The following MED27 variants were observed in gnomAD, a reference collection of about 807,000 sequenced individuals.
The protein encoded by MED27 is mediator of RNA polymerase II transcription subunit 27.
Under a neutral mutation model 38.2 loss-of-function variants are expected in MED27, and 30 were observed. The observed-to-expected ratio is 0.79, with a 90% CI of 0.59 to 1.07. The LOEUF (loss-of-function observed/expected upper bound fraction) is 1.07, where lower values mean the gene tolerates loss of function less well. Among genes scored for constraint, MED27 ranks in the 50% least tolerant of loss-of-function variants. MED27 has a pLI of 0.00. For synonymous variants in MED27, 122 were observed against 153.5 expected (o/e 0.79, Z 1.52); for missense variants, 289 against 397.5 (o/e 0.73, Z 2.32).
At chr9:132,020,764 G>GT (rs1832699847) in intron 2 of MED27, among the ~76,000 whole-genome samples, 1 of 152,090 alleles carries the variant, frequency 6.6e-6, no homozygotes, top group South Asian at 2.1e-4. Flanking sequence ...AAATCTAATT[G>GT]TTTTGCTTGG....
At chr9:131,969,400 C>T (rs1210485484) in intron 3 of MED27, among the ~76,000 whole-genome samples, 1 of 152,174 alleles carries the variant, frequency 6.6e-6, no homozygotes, top group African/African-American at 2.4e-5. Flanking sequence ...TATTTCATTA[C>T]TATTTTAAAC....
intron 4 of MED27, among the ~76,000 whole-genome samples, chr9:131,923,189 T>C (rs1011012702): frequency 1.2e-4 from 19 of 152,206 alleles, no homozygotes; most frequent in African/African-American, 2.2e-4. Flanking sequence ...TCTACATCCA[T>C]ACATTAAAAA....
Position 131,860,645 on chromosome 9 carries a change from A to C in MED27, c.829T>G (p.Phe277Val). ...MTWLRSYIKL[F>V]QAPCQRCGKF... ...CCGCAGCGCTGGCACGGGGCCTGGA[A>C]CAGCTTTATGTAACTTCTTAACCAG... is the stretch of plus-strand genomic sequence containing the variant. The change falls in exon 8 of 8, where the codon TTC becomes GTC. Residue 277 changes from phenylalanine (F) to valine (V), a missense_variant. Physicochemically the swap from Phe to Val is conservative, Grantham distance 50. Transcript: ENST00000292035. This position sits in a 1 kb window ranked among gnomAD's most constrained non-coding sequence, Gnocchi z 5.8. The C allele has an allele frequency of 6.2e-7, 1 of 1,613,400 alleles. No individual in the cohort carries two copies. Among genetic ancestry groups the C allele is most frequent in the Non-Finnish European group, 8.5e-7 (1 of 1,179,748 alleles).
intron 3 of MED27, among the ~76,000 whole-genome samples, chr9:131,968,261 C>T (rs557418256): frequency 6.6e-6 from 1 of 152,136 alleles, no homozygotes; most frequent in South Asian, 2.1e-4. Flanking sequence ...ATTGCTTGAA[C>T]CCCGAGGTTC....
At chr9:132,062,544 G>C (rs929303569) in intron 2 of MED27, among the ~76,000 whole-genome samples, 13 of 152,184 alleles carry the variant, frequency 8.5e-5, no homozygotes, top group Non-Finnish European at 1.8e-4. Context: ...ATGGGAGCCA[G>C]ACCTGGACCA....
At chr9:131,893,733 TCACAAAG>T in intron 5 of MED27, 145 bp downstream of exon 5, 4 of 591,448 alleles carry the variant, frequency 6.8e-6, no homozygotes, top group Admixed American at 5.7e-5. Context: ...AAATGTTTTT[TCACAAAG>T]TGTGCATCCT....
At chr9:131,941,999 G>A (rs1830795865) in intron 3 of MED27, among the ~76,000 whole-genome samples, 2 of 151,794 alleles carry the variant, frequency 1.3e-5, no homozygotes, top group Non-Finnish European at 2.9e-5. Flanking sequence ...CTAACTTTTT[G>A]TATTTTTAGT....
chr9:132,071,968 G>A (rs1833949494), intron 2 of MED27, among the ~76,000 whole-genome samples: 1 of 151,732 alleles, frequency 6.6e-6, no homozygotes, highest in Admixed American at 6.6e-5. Flanking sequence ...CAATCCATGA[G>A]TACACAGGCA....
At position 131,860,852 on chromosome 9, in the gene MED27, C is replaced by T. The variant is rs1414456042; in HGVS notation, c.802-180G>A. ...AAGGTCACCTGACTGCTGATGTTCA[C>T]GTCTGATGCTCGCGTGCCCCTCCTA... is the stretch of plus-strand genomic sequence containing the variant. On this transcript the variant is annotated intron_variant, in intron 7 of 7. Coordinates refer to ENST00000292035, the MANE Select transcript of MED27 (RefSeq NM_004269.4). This position sits in a 1 kb window ranked among gnomAD's most constrained non-coding sequence, Gnocchi z 5.8. Among the ~76,000 whole-genome samples, 1 of 152,146 alleles carries T rather than the reference C, an allele frequency of 6.6e-6. No individual in the cohort carries two copies. The highest frequency in any genetic ancestry group is 1.9e-4 in the East Asian group (1 of 5,186).
chr9:132,053,530 C>T (rs1275003643), intron 2 of MED27, among the ~76,000 whole-genome samples: 1 of 152,154 alleles, frequency 6.6e-6, no homozygotes, highest in African/African-American at 2.4e-5. Flanking sequence ...ATAGACATTA[C>T]TGCATCCTCA....
intron 3 of MED27, among the ~76,000 whole-genome samples, chr9:131,979,391 T>C (rs1444412296): frequency 6.6e-6 from 1 of 152,000 alleles, no homozygotes; most frequent in Non-Finnish European, 1.5e-5. Context: ...TCTTCCTTTC[T>C]GTATTAGGAG....
chr9:131,860,771 G>C lies in MED27; in HGVS notation c.802-99C>G. ...CTAATGGCCCAGACAACTTAAGTTG[G>C]CTTTGGCCCCAGAAGATGCCCTGTG... On this transcript the variant is annotated intron_variant, in intron 7 of 7. Transcript: ENST00000292035. The surrounding 1 kb of genome is among the most constrained non-coding windows in gnomAD (Gnocchi z 5.8). 1.4e-6 allele frequency: 2 copies of C among 1,408,352 alleles called. No individual in the cohort carries two copies. Among genetic ancestry groups the C allele is most frequent in the South Asian group, 2.6e-5 (2 of 76,450 alleles). The allele number at this position is 1,408,352 out of a possible 1,614,324, so 87.2% of individuals were successfully genotyped here. A position where few individuals can be genotyped will look rare whatever the true frequency, so the allele number is the denominator to read the frequency against.
chr9:131,977,670 T>C (rs1232252982), intron 3 of MED27, among the ~76,000 whole-genome samples: 1 of 152,184 alleles, frequency 6.6e-6, no homozygotes, highest in East Asian at 1.9e-4. Flanking sequence ...TCTTGGTTCA[T>C]GTAAAGGGCT....
At chr9:132,044,096 G>A (rs761563740) in intron 2 of MED27, among the ~76,000 whole-genome samples, 1 of 151,994 alleles carries the variant, frequency 6.6e-6, no homozygotes, top group Non-Finnish European at 1.5e-5. Context: ...AAGGAAAAGA[G>A]AAAAAAAGTC....
At chr9:131,933,979 T>G (rs1359313404) in intron 4 of MED27, among the ~76,000 whole-genome samples, 1 of 152,178 alleles carries the variant, frequency 6.6e-6, no homozygotes, top group Non-Finnish European at 1.5e-5. Flanking sequence ...TCCATACGCC[T>G]ACAGTGAACT....
intron 2 of MED27, among the ~76,000 whole-genome samples, chr9:132,053,207 C>T (rs1399037835): frequency 2.0e-5 from 3 of 150,552 alleles, no homozygotes; most frequent in East Asian, 2.0e-4. Context: ...GAGCCGAGAT[C>T]GCGCCACTGC....
At chr9:131,901,750 G>T (rs1180965581) in intron 4 of MED27, among the ~76,000 whole-genome samples, 1 of 152,096 alleles carries the variant, frequency 6.6e-6, no homozygotes, top group Non-Finnish European at 1.5e-5. Flanking sequence ...TTTTCCTAGG[G>T]GGTCTTTCCT....
intron 6 of MED27, among the ~76,000 whole-genome samples, chr9:131,877,710 TG>T (rs942203128): frequency 6.6e-6 from 1 of 152,208 alleles, no homozygotes. Context: ...TTCCAATCCC[TG>T]GGGAATGATC....
chr9:132,057,685 T>A (rs1469102974), intron 2 of MED27, among the ~76,000 whole-genome samples: 1 of 152,244 alleles, frequency 6.6e-6, no homozygotes, highest in Non-Finnish European at 1.5e-5. Flanking sequence ...AAATTCTGCC[T>A]GTACCTTGGA....
Sources: allele counts gnomAD v4.1 joint callset (sites outside exome capture counted in the v4.1 genomes callset), GRCh38; gene constraint gnomAD v4.1.1; non-coding constraint Gnocchi (gnomAD v3.1); transcripts MANE v1.5; gene names NCBI Gene and HGNC (gene_info 2026-07-23, HGNC 2026-07-21).